KIF21A: variants seen among roughly 807,000 people sequenced by gnomAD.
KIF21A encodes the protein kinesin-like protein KIF21A.
Under a neutral mutation model 202.9 loss-of-function variants are expected in KIF21A, and 114 were observed. The ratio of observed to expected loss-of-function variants is 0.56; its 90% confidence interval spans 0.48 to 0.66. KIF21A has a LOEUF of 0.66. KIF21A is among the 30% of genes least tolerant of loss of function. KIF21A has a pLI of 0.00. For missense variants in KIF21A, 1,677 were observed against 1,994.9 expected (o/e 0.84, Z 3.04); for synonymous variants, 667 against 670.8 (o/e 0.99, Z 0.09).
At chr12:39,394,477 C>T (rs940810536) in intron 1 of KIF21A, among the ~76,000 whole-genome samples, 1 of 152,186 alleles carries the variant, frequency 6.6e-6, no homozygotes, top group African/African-American at 2.4e-5. Context: ...TGACATAGCA[C>T]ATGCTATGTA....
intron 20 of KIF21A, 32 bp downstream of exon 20, chr12:39,332,559 G>A (rs1001024013): frequency 1.3e-6 from 2 of 1,571,128 alleles, no homozygotes; most frequent in Non-Finnish European, 8.6e-7. Context: ...AGTTAGCTAA[G>A]GGGGAGCGTA....
intron 7 of KIF21A, among the ~76,000 whole-genome samples, chr12:39,359,652 A>C (rs1949053034): frequency 6.6e-6 from 1 of 152,218 alleles, no homozygotes; most frequent in Admixed American, 6.5e-5. Context: ...GATGCTGATT[A>C]GAGAATAGAG....
At chr12:39,308,681 C>A (rs74088342) in intron 33 of KIF21A, among the ~76,000 whole-genome samples, 3,093 of 152,054 alleles carry the variant, frequency 0.02, 123 homozygotes, top group African/African-American at 0.07. Flanking sequence ...ATTTTCTTAG[C>A]TAACTTCTAA....
chr12:39,323,210 C>A (rs1248558529), intron 26 of KIF21A, among the ~76,000 whole-genome samples: 1 of 152,028 alleles, frequency 6.6e-6, no homozygotes, highest in Non-Finnish European at 1.5e-5. Flanking sequence ...GTAATTTGGC[C>A]AAGGTCATAT....
rs139405261 is a variant in KIF21A, at chr12:39,323,704, A to G, written c.3457-822T>C. ...TTTACCAGATTATAAGCCTCCAGAA[A>G]GGAGCAAACTTGTTTTTTCAGCTGT... is the stretch of plus-strand genomic sequence containing the variant. On this transcript the variant is annotated intron_variant, in intron 26 of 37. Coordinates refer to ENST00000361418, the MANE Select transcript of KIF21A (RefSeq NM_001173464.2). 1.8e-3 allele frequency among the ~76,000 whole-genome samples: 269 copies of G among 152,340 alleles called. 1 individual carries two copies. The highest frequency in any genetic ancestry group is 3.0e-3 in the Non-Finnish European group (202 of 68,030).
At chr12:39,403,791 G>A (rs1458351864) in intron 1 of KIF21A, among the ~76,000 whole-genome samples, 2 of 152,156 alleles carry the variant, frequency 1.3e-5, no homozygotes, top group Non-Finnish European at 2.9e-5. Flanking sequence ...ATACTTTCAT[G>A]TAAGTTTTTA....
chr12:39,400,578 G>A (rs1341277393), intron 1 of KIF21A, among the ~76,000 whole-genome samples: 3 of 152,096 alleles, frequency 2.0e-5, no homozygotes, highest in Non-Finnish European at 4.4e-5. Context: ...TGAGGATAAC[G>A]GCTTCCAGCT....
chr12:39,357,413 C>T lies in KIF21A; in HGVS notation c.1240G>A (p.Gly414Ser). ...AACATGTCATTGATGCTTTCCACAC[C>T]CTCTTCGTCAATTATTCTTTTACCC... ...KTGKRIIDEE[G>S]VESINDMFHE... is the part of the protein sequence containing the mutation. Residue 414 changes from glycine (G) to serine (S), a missense_variant, in exon 9 of 38, where the codon GGT (glycine) becomes AGT (serine). Around this residue, in one of 3 missense-constraint regions of KIF21A, gnomAD observed 966 missense variants for 1,180.9 expected, o/e 0.82. Transcript: ENST00000361418. 6.2e-7 allele frequency: 1 copy of T among 1,613,908 alleles called. No individual in the cohort carries two copies. Among genetic ancestry groups the T allele is most frequent in the Non-Finnish European group, 8.5e-7 (1 of 1,179,872 alleles).
intron 12 of KIF21A, among the ~76,000 whole-genome samples, chr12:39,343,938 C>G (rs969326581): frequency 6.6e-6 from 1 of 152,064 alleles, no homozygotes; most frequent in Non-Finnish European, 1.5e-5. Flanking sequence ...TCGGTTGGAG[C>G]AGAATGGTAC....
intron 1 of KIF21A, among the ~76,000 whole-genome samples, chr12:39,378,933 G>A (rs572189725): frequency 3.3e-5 from 5 of 152,256 alleles, no homozygotes; most frequent in Admixed American, 3.3e-4. Context: ...TCGAGACTGA[G>A]AAGGGAGAAA....
chr12:39,374,162 A>T (rs181547818), intron 1 of KIF21A, among the ~76,000 whole-genome samples: 7 of 152,348 alleles, frequency 4.6e-5, no homozygotes, highest in Admixed American at 3.9e-4. Context: ...AACCCAAGCC[A>T]GTTCACCTGC....
chr12:39,346,595 GAT>G (rs1592261471), intron 11 of KIF21A, 91 bp from the exon 12 acceptor site: 1 of 805,334 alleles, frequency 1.2e-6, no homozygotes, highest in African/African-American at 1.8e-5. Context: ...AGGTAAAAAT[GAT>G]ACATGAGCTT....
chr12:39,358,809 A>G (rs919586368), intron 7 of KIF21A, among the ~76,000 whole-genome samples: 2 of 152,236 alleles, frequency 1.3e-5, no homozygotes, highest in African/African-American at 2.4e-5. Flanking sequence ...ATCCAATCAC[A>G]TTGAAACAAG....
At chr12:39,315,331 C>G (rs1236739559) in intron 30 of KIF21A, 91 bp from the exon 31 acceptor site, 6 of 1,141,378 alleles carry the variant, frequency 5.3e-6, no homozygotes, top group Non-Finnish European at 7.9e-6. Flanking sequence ...GGGAATGAGA[C>G]AGAGAGAAAG....
intron 1 of KIF21A, among the ~76,000 whole-genome samples, chr12:39,438,515 TG>T (rs1939130518): frequency 6.6e-6 from 1 of 152,166 alleles, no homozygotes; most frequent in Non-Finnish European, 1.5e-5. Flanking sequence ...ACTGAGCTTC[TG>T]AATGTCCAAA....
At chr12:39,417,626 A>T (rs924071641) in intron 1 of KIF21A, among the ~76,000 whole-genome samples, 6 of 152,124 alleles carry the variant, frequency 3.9e-5, no homozygotes, top group Admixed American at 6.5e-5. Flanking sequence ...TACCAATAAC[A>T]CTTAATTTTG....
intron 1 of KIF21A, among the ~76,000 whole-genome samples, chr12:39,381,651 T>C (rs1428986099): frequency 1.3e-5 from 2 of 152,114 alleles, no homozygotes; most frequent in East Asian, 3.8e-4. Context: ...GCCAAGACAT[T>C]AGACTATAAG....
At chr12:39,298,721 G>A (rs897202667) in intron 37 of KIF21A, among the ~76,000 whole-genome samples, 8 of 152,098 alleles carry the variant, frequency 5.3e-5, no homozygotes, top group African/African-American at 1.9e-4. Flanking sequence ...ATATTACAAT[G>A]TCTAACATTT....
chr12:39,419,902 C>T (rs1024367335), intron 1 of KIF21A, among the ~76,000 whole-genome samples: 12 of 151,982 alleles, frequency 7.9e-5, no homozygotes, highest in Admixed American at 5.9e-4. Context: ...TCAAGCACAT[C>T]CCATCTCAGT....
Sources: gnomAD v4.1 joint callset for allele counts (sites outside exome capture counted in the v4.1 genomes callset) on GRCh38, gnomAD v4.1.1 for gene constraint, gnomAD v4.1.1 regional missense constraint, MANE v1.5 for transcripts, NCBI Gene and HGNC (gene_info 2026-07-23, HGNC 2026-07-21) for gene names.